TMEM150C: variants seen among roughly 807,000 people sequenced by gnomAD.
The protein encoded by TMEM150C is transmembrane protein 150C.
A neutral mutation model predicts 29.9 loss-of-function variants in TMEM150C; 10 were observed. That is an observed-to-expected ratio of 0.33 (90% CI 0.21 to 0.57). The LOEUF (loss-of-function observed/expected upper bound fraction) is 0.57. TMEM150C is among the 20% of genes least tolerant of loss of function. TMEM150C has a pLI of 0.88. For missense variants in TMEM150C, 251 were observed against 303.6 expected, an observed-to-expected ratio of 0.83 and a Z score of 1.29; for synonymous variants, 101 against 112.5, an observed-to-expected ratio of 0.90 and a Z score of 0.64.
chr4:82,541,218 A>G (rs1725190289), intron 1 of TMEM150C, among the ~76,000 whole-genome samples: 1 of 152,084 alleles, frequency 6.6e-6, no homozygotes, highest in Admixed American at 6.5e-5. Context: ...CTTTCTCTGT[A>G]TTTCCCCAAA....
intron 6 of TMEM150C, chr4:82,491,447 C>T (rs1469721664): frequency 2.9e-6 from 2 of 687,008 alleles, no homozygotes; most frequent in East Asian, 5.1e-5. Context: ...TCTGCCACTG[C>T]AACCTGATAT....
In TMEM150C at chr4:82,484,554, T is replaced by A. The variant is rs1723099772; in HGVS notation, c.*957A>T. The A allele has an allele frequency of 6.6e-6, 1 of 152,140 alleles. No homozygotes were observed. Among genetic ancestry groups the A allele is most frequent in the African/African-American group, 2.4e-5 (1 of 41,424 alleles). The allele number at this position is 152,140 out of a possible 1,614,324, so 9.4% of individuals were successfully genotyped here. A position where few individuals can be genotyped will look rare whatever the true frequency, so the allele number is the denominator to read the frequency against. On this transcript the variant is annotated 3_prime_UTR_variant, in exon 8 of 8. Coordinates refer to ENST00000449862, the MANE Select transcript of TMEM150C (RefSeq NM_001080506.3). ...CAGCTCTTTTTATTACCTCTGCACA[T>A]CCATATTTCTTTCCATTTTTCTGTG...
chr4:82,510,073 A>G (rs1044214453), intron 1 of TMEM150C, among the ~76,000 whole-genome samples: 2 of 151,894 alleles, frequency 1.3e-5, no homozygotes, highest in African/African-American at 4.8e-5. Context: ...AGGTCAGGAG[A>G]TCGAGACCAT....
intron 1 of TMEM150C, among the ~76,000 whole-genome samples, chr4:82,532,088 T>C (rs1724865238): frequency 6.6e-6 from 1 of 152,332 alleles, no homozygotes; most frequent in Non-Finnish European, 1.5e-5. Context: ...AAAGATTTTG[T>C]TTTTTGAGAG....
intron 1 of TMEM150C, among the ~76,000 whole-genome samples, chr4:82,552,508 G>A (rs1041920268): frequency 2.0e-5 from 3 of 152,108 alleles, no homozygotes; most frequent in African/African-American, 7.2e-5. Context: ...GCCTTCATGT[G>A]TCCATTTCCC....
At chr4:82,521,124 G>A (rs1224284359) in intron 1 of TMEM150C, among the ~76,000 whole-genome samples, 1 of 152,206 alleles carries the variant, frequency 6.6e-6, no homozygotes, top group African/African-American at 2.4e-5. Flanking sequence ...CCTTCTTGGT[G>A]AGGCCTTCCC....
chr4:82,547,182 G>C (rs1388460175), intron 1 of TMEM150C, among the ~76,000 whole-genome samples: 1 of 147,962 alleles, frequency 6.8e-6, no homozygotes, highest in Non-Finnish European at 1.5e-5. Context: ...GAATTTATAA[G>C]AAACAATTAA....
chr4:82,485,640 A>G lies in TMEM150C; in HGVS notation c.621T>C (p.Tyr207=). 1 of 1,609,956 alleles carries G rather than the reference A, an allele frequency of 6.2e-7. No homozygotes were observed. Among genetic ancestry groups the G allele is most frequent in the Non-Finnish European group, 8.5e-7 (1 of 1,178,114 alleles). The change falls in exon 8 of 8, where the codon TAT becomes TAC. Residue 207 remains tyrosine (Y), a synonymous_variant. Coordinates refer to ENST00000449862, the MANE Select transcript of TMEM150C (RefSeq NM_001080506.3). ...QWGLVMCFLS[Y]FGTFAVEFRH... ...GGAACTCCACGGCAAAGGTGCCAAA[A>G]TAAGACAGGAAGCACATGACCAGGC... is the stretch of plus-strand genomic sequence containing the variant.
At chr4:82,508,612 C>T (rs529871221) in intron 1 of TMEM150C, among the ~76,000 whole-genome samples, 1 of 151,966 alleles carries the variant, frequency 6.6e-6, no homozygotes, top group Non-Finnish European at 1.5e-5. Context: ...ATTACAGGCA[C>T]CTGCCACCAC....
intron 1 of TMEM150C, among the ~76,000 whole-genome samples, chr4:82,517,749 T>C (rs1193320603): frequency 2.0e-5 from 3 of 152,216 alleles, no homozygotes; most frequent in Admixed American, 6.5e-5. Context: ...GGTCTCCATC[T>C]TGCAGATGGC....
chr4:82,533,068 C>T (rs1352376979), intron 1 of TMEM150C, among the ~76,000 whole-genome samples: 1 of 152,152 alleles, frequency 6.6e-6, no homozygotes, highest in Non-Finnish European at 1.5e-5. Flanking sequence ...TCCCACACTG[C>T]CACAAAACAA....
intron 1 of TMEM150C, among the ~76,000 whole-genome samples, chr4:82,537,989 A>G (rs958431016): frequency 1.3e-5 from 2 of 152,170 alleles, no homozygotes; most frequent in Non-Finnish European, 2.9e-5. Flanking sequence ...CTTGGAAACT[A>G]ATACACTAAG....
intron 6 of TMEM150C, among the ~76,000 whole-genome samples, chr4:82,494,085 G>A (rs1723459176): frequency 6.6e-6 from 1 of 152,200 alleles, no homozygotes; most frequent in East Asian, 1.9e-4. Flanking sequence ...ATTACTAAAT[G>A]AACGATAGAA....
chr4:82,560,171 G>C (rs560098517), intron 1 of TMEM150C, among the ~76,000 whole-genome samples: 2 of 152,180 alleles, frequency 1.3e-5, no homozygotes, highest in East Asian at 3.9e-4. Context: ...AAGCAACATG[G>C]AAAAGGTATT....
intron 7 of TMEM150C, 102 bp downstream of exon 7, chr4:82,489,956 TGAG>T: frequency 8.5e-7 from 1 of 1,173,568 alleles, no homozygotes; most frequent in Non-Finnish European, 1.2e-6. Flanking sequence ...CTTAAGATTC[TGAG>T]AAGATCTGGC....
At position 82,505,060 on chromosome 4, in the gene TMEM150C, G is replaced by GA. The variant is rs976753912; in HGVS notation, c.-10-394dup. Among the ~76,000 whole-genome samples the GA allele has an allele frequency of 6.1e-3, 916 of 150,646 alleles. 9 individuals are homozygous for GA. Among genetic ancestry groups the GA allele is most frequent in the African/African-American group, 0.021 (854 of 41,090 alleles). On this transcript the variant is annotated intron_variant, in intron 1 of 7. Transcript: ENST00000449862. ...ACAAAAAAGAAAGTTTAGTCTAACTGAAAAAAAAAGTGTATTTTATGAAAC... is the reference window on the plus strand; with the variant it reads ...ACAAAAAAGAAAGTTTAGTCTAACTGAAAAAAAAAAGTGTATTTTATGAAAC...
chr4:82,519,213 T>C (rs1390482069), intron 1 of TMEM150C, among the ~76,000 whole-genome samples: 1 of 152,182 alleles, frequency 6.6e-6, no homozygotes, highest in Non-Finnish European at 1.5e-5. Flanking sequence ...CCTTTTGGCC[T>C]ACAACATGGT....
chr4:82,545,767 T>G (rs1725362485), intron 1 of TMEM150C, among the ~76,000 whole-genome samples: 1 of 151,992 alleles, frequency 6.6e-6, no homozygotes, highest in Non-Finnish European at 1.5e-5. Context: ...CTGTCTCTAC[T>G]AAAAATACAA....
chr4:82,551,631 T>C (rs918594661), intron 1 of TMEM150C, among the ~76,000 whole-genome samples: 1 of 152,192 alleles, frequency 6.6e-6, no homozygotes, highest in African/African-American at 2.4e-5. Flanking sequence ...GACTACTCTT[T>C]TTGATCCTAT....
Sources: gnomAD v4.1 joint callset for allele counts (sites outside exome capture counted in the v4.1 genomes callset) on GRCh38, gnomAD v4.1.1 for gene constraint, MANE v1.5 for transcripts, NCBI Gene and HGNC (gene_info 2026-07-23, HGNC 2026-07-21) for gene names.